Variants in SLC26A5 observed in about 807,000 individuals in gnomAD.
SLC26A5 encodes the protein solute carrier family 26 member 5.
Under a neutral mutation model 81.0 loss-of-function variants are expected in SLC26A5, and 51 were observed. That is an observed-to-expected ratio of 0.63 (90% CI 0.50 to 0.80). SLC26A5 has a LOEUF of 0.80. Ranked by LOEUF, SLC26A5 falls within the 30% of genes least tolerant of loss-of-function variation. SLC26A5 has a pLI of 0.00. For synonymous variants in SLC26A5, 325 were observed against 332.8 expected (o/e 0.98, Z 0.25); for missense variants, 771 against 905.8 (o/e 0.85, Z 1.91).
At chr7:103,442,343 G>A (rs908997490) in intron 2 of SLC26A5, among the ~76,000 whole-genome samples, 1 of 152,146 alleles carries the variant, frequency 6.6e-6, no homozygotes, top group East Asian at 1.9e-4. Context: ...TTGCTATGTT[G>A]GCCAAGCTGG....
intron 3 of SLC26A5, among the ~76,000 whole-genome samples, 166 bp from the exon 4 acceptor site, chr7:103,421,043 A>T (rs1825305883): frequency 6.6e-6 from 1 of 152,186 alleles, no homozygotes; most frequent in Non-Finnish European, 1.5e-5. Context: ...GATAGGGAAA[A>T]AAAGAGAGTG....
intron 8 of SLC26A5, among the ~76,000 whole-genome samples, chr7:103,399,760 C>G (rs1371307056): frequency 6.6e-6 from 1 of 152,100 alleles, no homozygotes; most frequent in South Asian, 2.1e-4. Context: ...GTGATGTTCC[C>G]CTGCCTGTGT....
intron 8 of SLC26A5, among the ~76,000 whole-genome samples, chr7:103,403,018 T>C (rs1368114644): frequency 1.3e-5 from 2 of 152,236 alleles, no homozygotes; most frequent in African/African-American, 2.4e-5. Flanking sequence ...TTTAGTGCTA[T>C]AAATTTCCCT....
At chr7:103,421,329 T>C in intron 3 of SLC26A5, 34 bp downstream of exon 3, 1 of 1,612,622 alleles carries the variant, frequency 6.2e-7, no homozygotes, top group Non-Finnish European at 8.5e-7. Flanking sequence ...AACTGAATGA[T>C]ACAATAACAG....
At chr7:103,363,025 C>G (rs1188743838) in intron 19 of SLC26A5, among the ~76,000 whole-genome samples, 1 of 151,978 alleles carries the variant, frequency 6.6e-6, no homozygotes, top group African/African-American at 2.4e-5. Flanking sequence ...AACTCATGAC[C>G]TCAAGTGTTT....
chr7:103,395,410 G>T (rs1196588455), intron 9 of SLC26A5, among the ~76,000 whole-genome samples: 1 of 134,790 alleles, frequency 7.4e-6, no homozygotes, highest in African/African-American at 2.8e-5. Flanking sequence ...TGAGTACAAT[G>T]CAATAGGGAA....
intron 19 of SLC26A5, chr7:103,362,820 G>T: frequency 2.4e-6 from 3 of 1,227,296 alleles, no homozygotes; most frequent in Non-Finnish European, 3.5e-6. Context: ...TTTTGAGGCG[G>T]AGTTTCACTC....
At position 103,380,525 on chromosome 7, in the gene SLC26A5, C is replaced by T. The variant is rs566208291; in HGVS notation, c.1539G>A (p.Lys513=). The T allele has an allele frequency of 2.5e-6, 4 of 1,613,846 alleles. No individual in the cohort carries two copies. Among genetic ancestry groups the T allele is most frequent in the Non-Finnish European group, 3.4e-6 (4 of 1,179,812 alleles). ...TQSPSYKVLG[K]LPETDVYIDI... ...CAATATACACATCAGTTTCAGGAAGCTTTCCAAGGACTTTGTAGCTTGGAC... is the reference window on the plus strand; with the variant it reads ...CAATATACACATCAGTTTCAGGAAGTTTTCCAAGGACTTTGTAGCTTGGAC... The change falls in exon 15 of 20, where the codon AAG becomes AAA. Residue 513 remains lysine (K), a synonymous_variant. Coordinates refer to ENST00000306312, the MANE Select transcript of SLC26A5 (RefSeq NM_198999.3).
intron 15 of SLC26A5, among the ~76,000 whole-genome samples, chr7:103,380,120 A>G (rs1307186177): frequency 3.3e-5 from 5 of 152,208 alleles, no homozygotes; most frequent in African/African-American, 9.6e-5. Context: ...AGAATTCCAC[A>G]GCCCCACCAT....
intron 9 of SLC26A5, 63 bp from the exon 10 acceptor site, chr7:103,393,129 C>A: frequency 1.9e-6 from 3 of 1,590,172 alleles, no homozygotes; most frequent in Non-Finnish European, 2.6e-6. Context: ...AAAAACCTTG[C>A]GACTGCAGGG....
chr7:103,393,231 C>T (rs1261185516), intron 9 of SLC26A5, among the ~76,000 whole-genome samples, 165 bp from the exon 10 acceptor site: 4 of 152,184 alleles, frequency 2.6e-5, no homozygotes, highest in Admixed American at 6.5e-5. Context: ...CCCTCCTTGA[C>T]GCAGAGAAAT....
intron 2 of SLC26A5, among the ~76,000 whole-genome samples, chr7:103,430,182 G>A (rs373572682): frequency 3.9e-4 from 59 of 151,276 alleles, no homozygotes; most frequent in East Asian, 2.3e-3. Flanking sequence ...GGGTTCAAGC[G>A]ATTCTCCTGC....
At chr7:103,423,840 G>A (rs539682617) in intron 2 of SLC26A5, among the ~76,000 whole-genome samples, 1 of 152,318 alleles carries the variant, frequency 6.6e-6, no homozygotes, top group Admixed American at 6.5e-5. Flanking sequence ...GGTAAATCTG[G>A]AGGAAGAATT....
intron 8 of SLC26A5, among the ~76,000 whole-genome samples, chr7:103,404,043 C>T (rs150705246): frequency 0.022 from 3,365 of 152,144 alleles, 136 homozygotes; most frequent in African/African-American, 0.076. Context: ...ACTAGCTGGG[C>T]GTGGTGGCAG....
At chr7:103,397,228 G>A (rs59455790) in intron 9 of SLC26A5, among the ~76,000 whole-genome samples, 2 of 151,892 alleles carry the variant, frequency 1.3e-5, no homozygotes, top group East Asian at 3.9e-4. Context: ...CCAACATGGA[G>A]AAACCCTGTC....
At position 103,397,924 on chromosome 7, in the gene SLC26A5, T is replaced by A. The variant is rs1823273701; in HGVS notation, c.971+8A>T. Reference sequence around the variant, plus strand: ...CAGTCACACAGTTACTTAAAACCACTTTCCTACCCTAGAGGAAGTGTTCCA... The same window carrying A: ...CAGTCACACAGTTACTTAAAACCACATTCCTACCCTAGAGGAAGTGTTCCA... On this transcript the variant is annotated splice_region_variant and intron_variant, in intron 9 of 19. Coordinates refer to ENST00000306312, the MANE Select transcript of SLC26A5 (RefSeq NM_198999.3). The A allele has an allele frequency of 6.2e-7, 1 of 1,610,786 alleles. No homozygotes were observed. Among genetic ancestry groups the A allele is most frequent in the East Asian group, 2.2e-5 (1 of 44,840 alleles).
At chr7:103,368,142 G>T in intron 19 of SLC26A5, 1 of 1,193,854 alleles carries the variant, frequency 8.4e-7, no homozygotes, top group South Asian at 1.8e-5. Flanking sequence ...CAAATAAATG[G>T]CTTCAAAATT....
At chr7:103,418,540 T>C (rs1825099291) in intron 4 of SLC26A5, among the ~76,000 whole-genome samples, 1 of 152,158 alleles carries the variant, frequency 6.6e-6, no homozygotes, top group Non-Finnish European at 1.5e-5. Context: ...CCTTTCTCTG[T>C]TCTTGGGGTG....
chr7:103,426,979 G>A (rs1825746930), intron 2 of SLC26A5, among the ~76,000 whole-genome samples: 1 of 152,076 alleles, frequency 6.6e-6, no homozygotes, highest in South Asian at 2.1e-4. Context: ...AAATACTAAT[G>A]ACAGCAAAGC....
Sources: gnomAD v4.1 joint callset for allele counts (sites outside exome capture counted in the v4.1 genomes callset) on GRCh38, gnomAD v4.1.1 for gene constraint, MANE v1.5 for transcripts, NCBI Gene and HGNC (gene_info 2026-07-23, HGNC 2026-07-21) for gene names.